Variants in TOP3A observed in about 807,000 individuals in gnomAD.
TOP3A encodes the protein DNA topoisomerase 3-alpha.
Under a neutral mutation model 111.3 loss-of-function variants are expected in TOP3A, and 64 were observed. That is an observed-to-expected ratio of 0.57 (90% CI 0.47 to 0.71). TOP3A has a LOEUF of 0.71. TOP3A is among the 30% of genes least tolerant of loss of function. TOP3A has a pLI of 0.00. For synonymous variants in TOP3A, 484 were observed against 485.1 expected, an observed-to-expected ratio of 1.00 and a Z score of 0.03; for missense variants, 1,104 against 1,285.0, an observed-to-expected ratio of 0.86 and a Z score of 2.15.
At chr17:18,276,108 C>A (rs1391293480) in intron 18 of TOP3A, among the ~76,000 whole-genome samples, 2 of 152,160 alleles carry the variant, frequency 1.3e-5, no homozygotes, top group Non-Finnish European at 1.5e-5. Context: ...AGACATTGTC[C>A]CACACTCACT....
chr17:18,296,310 G>A (rs779334420), intron 9 of TOP3A, among the ~76,000 whole-genome samples: 6 of 152,048 alleles, frequency 3.9e-5, no homozygotes, highest in African/African-American at 1.2e-4. Context: ...AGCTGGGCAC[G>A]GTGGGTCATG....
At chr17:18,311,631 G>A (rs1276142759) in intron 1 of TOP3A, among the ~76,000 whole-genome samples, 1 of 152,176 alleles carries the variant, frequency 6.6e-6, no homozygotes, top group Non-Finnish European at 1.5e-5. Flanking sequence ...CTGCATTCCA[G>A]ACACCATATT....
At chr17:18,288,154 T>TATATAAA (rs1427846577) in intron 13 of TOP3A, among the ~76,000 whole-genome samples, 6 of 132,606 alleles carry the variant, frequency 4.5e-5, no homozygotes, top group African/African-American at 1.9e-4. Context: ...TATATAAATT[T>TATATAAA]TTTTTTTTTT....
chr17:18,306,865 G>A (rs772060973), intron 4 of TOP3A, 26 bp downstream of exon 4: 27 of 1,474,092 alleles, frequency 1.8e-5, no homozygotes, highest in Non-Finnish European at 2.5e-5. Flanking sequence ...TTGACTCAGT[G>A]CCATATGTCT....
In TOP3A at chr17:18,278,189, G is replaced by T; in HGVS notation, c.2313C>A (p.Ser771=). The T allele has an allele frequency of 1.9e-6, 3 of 1,611,956 alleles. No individual in the cohort carries two copies. Among genetic ancestry groups the T allele is most frequent in the Non-Finnish European group, 2.5e-6 (3 of 1,178,266 alleles). The part of the protein sequence containing the change: ...QPSGRLQANQ[S]LNRMDNSQHP... ...GCTGGCTGTTGTCCATCCTGTTCAG[G>T]GACTGGTTAGCCTGCAGGCGGCCAG... The change falls in exon 18 of 19, where the codon TCC becomes TCA. Residue 771 remains serine, a synonymous_variant. Coordinates refer to ENST00000321105, the MANE Select transcript of TOP3A (RefSeq NM_004618.5).
chr17:18,295,996 T>G (rs1980778596), intron 9 of TOP3A, among the ~76,000 whole-genome samples: 1 of 145,888 alleles, frequency 6.9e-6, no homozygotes, highest in Non-Finnish European at 1.5e-5. Flanking sequence ...CTCGATCTCC[T>G]ACCTCGTGAT....
In TOP3A at chr17:18,272,150, A is replaced by G. The variant is rs1322753007; in HGVS notation, c.*2652T>C. 1.3e-5 allele frequency among the ~76,000 whole-genome samples: 2 copies of G among 152,244 alleles called. No homozygotes were observed. Among genetic ancestry groups the G allele is most frequent in the Admixed American group, 1.3e-4 (2 of 15,282 alleles). Reference sequence around the variant, plus strand: ...AAAGAATGTATACCAATGGCCAGTAAGCCTGTGGAAAGATGGTCAATGTCA... The same window carrying G: ...AAAGAATGTATACCAATGGCCAGTAGGCCTGTGGAAAGATGGTCAATGTCA... On this transcript the variant is annotated 3_prime_UTR_variant, in exon 19 of 19. Transcript: ENST00000321105.
At chr17:18,290,426 T>C (rs1980392234) in intron 13 of TOP3A, 131 bp downstream of exon 13, 1 of 1,128,536 alleles carries the variant, frequency 8.9e-7, no homozygotes. Flanking sequence ...CTGAGCCTTA[T>C]TTCAACTATA....
At chr17:18,286,536 A>C (rs1464118481) in intron 13 of TOP3A, among the ~76,000 whole-genome samples, 1 of 152,098 alleles carries the variant, frequency 6.6e-6, no homozygotes, top group Non-Finnish European at 1.5e-5. Context: ...ACAAAAAAAC[A>C]ACCAAAAAAA....
At chr17:18,301,479 T>C (rs1409778773) in intron 8 of TOP3A, among the ~76,000 whole-genome samples, 1 of 152,228 alleles carries the variant, frequency 6.6e-6, no homozygotes, top group Non-Finnish European at 1.5e-5. Flanking sequence ...TATATAAAAT[T>C]AGCCCACTAA....
chr17:18,280,516 G>C lies in TOP3A; in HGVS notation c.2144+20C>G, dbSNP rs1979689092. ...TGTACACACTCCAGAGGAGGCACCT[G>C]ACTCAGGTGCCCAGCTCACCTGTAC... On this transcript the variant is annotated intron_variant, in intron 17 of 18. Transcript: ENST00000321105. 6.2e-7 allele frequency: 1 copy of C among 1,611,456 alleles called. No individual in the cohort carries two copies.
chr17:18,299,138 A>G (rs1981061364), intron 9 of TOP3A, among the ~76,000 whole-genome samples: 1 of 152,114 alleles, frequency 6.6e-6, no homozygotes, highest in Admixed American at 6.5e-5. Context: ...TAACAGGCCA[A>G]GCAGTGGTTG....
At chr17:18,296,553 C>T (rs188001608) in intron 9 of TOP3A, among the ~76,000 whole-genome samples, 286 of 152,268 alleles carry the variant, frequency 1.9e-3, no homozygotes, top group Non-Finnish European at 3.2e-3. Flanking sequence ...GCACTCCAGC[C>T]TGGCGACAGA....
Position 18,302,618 on chromosome 17 carries a change from T to C in TOP3A, c.605A>G (p.Asp202Gly), listed in dbSNP as rs1405206275. Residue 202 changes from aspartate to glycine, a missense_variant, in exon 6 of 19, where the codon GAT becomes GGT. Coordinates refer to ENST00000321105, the MANE Select transcript of TOP3A (RefSeq NM_004618.5). Reference protein sequence around the residue: ...NLTEPDQRVSDAVDVRQELDL... With the variant: ...NLTEPDQRVSGAVDVRQELDL... ...CAGCTCCTGCCTCACATCCACAGCA[T>C]CGCTCACCCTCTGATCAGGCTCGGT... 6.2e-7 allele frequency: 1 copy of C among 1,614,206 alleles called. No individual in the cohort carries two copies. Among genetic ancestry groups the C allele is most frequent in the Admixed American group, 1.7e-5 (1 of 60,022 alleles).
At chr17:18,281,579 A>C (rs1471508539) in intron 16 of TOP3A, among the ~76,000 whole-genome samples, 2 of 152,190 alleles carry the variant, frequency 1.3e-5, no homozygotes, top group Non-Finnish European at 2.9e-5. Context: ...AGCATTTATT[A>C]AGTGCTGAAA....
At chr17:18,295,530 C>A (rs1390322548) in intron 9 of TOP3A, among the ~76,000 whole-genome samples, 1 of 152,186 alleles carries the variant, frequency 6.6e-6, no homozygotes, top group Non-Finnish European at 1.5e-5. Flanking sequence ...GGCACGATCT[C>A]GGCTCACTGC....
intron 8 of TOP3A, among the ~76,000 whole-genome samples, chr17:18,300,944 ACTTT>A (rs992876726): frequency 1.3e-5 from 2 of 152,160 alleles, no homozygotes; most frequent in African/African-American, 4.8e-5. Flanking sequence ...AAGTCTCTTC[ACTTT>A]CTTTAGCTTC....
At chr17:18,308,305 C>A in intron 3 of TOP3A, 46 bp downstream of exon 3, 1 of 1,122,496 alleles carries the variant, frequency 8.9e-7, no homozygotes, top group Non-Finnish European at 1.2e-6. Flanking sequence ...TGAAATTTCA[C>A]AACTTACTAT....
intron 13 of TOP3A, among the ~76,000 whole-genome samples, chr17:18,289,449 A>AT (rs1392015319): frequency 3.3e-5 from 5 of 152,036 alleles, no homozygotes; most frequent in African/African-American, 1.2e-4. Flanking sequence ...TAATTTTTGT[A>AT]TTTTTAGTAG....
Sources: allele counts gnomAD v4.1 joint callset (sites outside exome capture counted in the v4.1 genomes callset), GRCh38; gene constraint gnomAD v4.1.1; transcripts MANE v1.5; gene names NCBI Gene and HGNC (gene_info 2026-07-23, HGNC 2026-07-21).